Variants in AGMO observed in about 807,000 individuals in gnomAD.
AGMO encodes the protein alkylglycerol monooxygenase.
A neutral mutation model predicts 60.2 loss-of-function variants in AGMO; 75 were observed. The ratio of observed to expected loss-of-function variants is 1.25; its 90% CI spans 1.03 to 1.51. AGMO has a LOEUF of 1.51. AGMO is among the 40% of genes most tolerant of loss of function. The probability of loss-of-function intolerance (pLI) is 0.00; values close to 1 mark genes in which losing one functional copy is unlikely to be tolerated. For synonymous variants in AGMO, 261 were observed against 177.1 expected, an observed-to-expected ratio of 1.47 and a Z score of -3.76; for missense variants, 763 against 525.5, an observed-to-expected ratio of 1.45 and a Z score of -4.42.
intron 5 of AGMO, among the ~76,000 whole-genome samples, chr7:15,411,015 G>A (rs1780578106): frequency 6.6e-6 from 1 of 151,924 alleles, no homozygotes; most frequent in Non-Finnish European, 1.5e-5. Context: ...TTTAAGATGT[G>A]ATTAGGTCAT....
chr7:15,555,292 T>TATATACACAC (rs1213509604), intron 2 of AGMO, among the ~76,000 whole-genome samples: 2 of 95,878 alleles, frequency 2.1e-5, no homozygotes, highest in Non-Finnish European at 4.0e-5. Flanking sequence ...TATATATATA[T>TATATACACAC]ACACACACAC....
chr7:15,269,807 T>G (rs1230597789), intron 12 of AGMO, among the ~76,000 whole-genome samples: 21 of 152,118 alleles, frequency 1.4e-4, no homozygotes, highest in South Asian at 4.1e-4. Context: ...TTTCCATCTT[T>G]ATATTCATGT....
chr7:15,319,557 TG>T (rs1220842273), intron 12 of AGMO, among the ~76,000 whole-genome samples: 3 of 152,166 alleles, frequency 2.0e-5, no homozygotes, highest in Non-Finnish European at 4.4e-5. Context: ...TAAAGTTACC[TG>T]AATTGCTAGA....
intron 12 of AGMO, among the ~76,000 whole-genome samples, chr7:15,301,868 G>A (rs780347274): frequency 2.0e-5 from 3 of 151,932 alleles, no homozygotes; most frequent in Non-Finnish European, 2.9e-5. Context: ...GGCTCAAGAA[G>A]GGCTCAAGAA....
intron 12 of AGMO, among the ~76,000 whole-genome samples, chr7:15,335,098 T>C (rs1226558631): frequency 1.3e-5 from 2 of 152,168 alleles, no homozygotes; most frequent in African/African-American, 2.4e-5. Context: ...TAATTGCTTA[T>C]AGTAACACAA....
intron 10 of AGMO, among the ~76,000 whole-genome samples, chr7:15,376,835 G>A (rs1317658111): frequency 6.6e-6 from 1 of 151,984 alleles, no homozygotes; most frequent in Non-Finnish European, 1.5e-5. Flanking sequence ...AAGTCCGTGG[G>A]TCATATCACT....
rs143999373 is a variant in AGMO at position 15,233,031 on chromosome 7, T to C, written c.1264-31672A>G. Among the ~76,000 whole-genome samples, 8 of 152,280 alleles carry C rather than the reference T, an allele frequency of 5.3e-5. No individual in the cohort carries two copies. The East Asian group carries it at 1.4e-3, about 26-fold the overall frequency. ...ATTGCATAGATGGAATTTTATGCCA[T>C]GCATCCCATTATAAAATCATACTAT... On this transcript the variant is annotated intron_variant, in intron 12 of 12. Transcript: ENST00000342526.
chr7:15,148,397 G>A, the AGMO span, among the ~76,000 whole-genome samples: 6 of 151,794 alleles, frequency 4.0e-5, no homozygotes, highest in African/African-American at 9.7e-5. Flanking sequence ...ATTGCATGTC[G>A]CTGGGGTTTG....
intron 12 of AGMO, among the ~76,000 whole-genome samples, chr7:15,305,739 TCTA>T (rs1780596140): frequency 6.6e-6 from 1 of 151,968 alleles, no homozygotes; most frequent in East Asian, 1.9e-4. Context: ...CAACTCGGTT[TCTA>T]CTGTGTCATT....
intron 3 of AGMO, among the ~76,000 whole-genome samples, chr7:15,532,014 G>A (rs1347168629): frequency 6.6e-6 from 1 of 152,022 alleles, no homozygotes; most frequent in African/African-American, 2.4e-5. Flanking sequence ...TGCAGCTACT[G>A]CACAAGTCAA....
intron 12 of AGMO, among the ~76,000 whole-genome samples, chr7:15,348,676 A>G (rs926121067): frequency 4.6e-5 from 7 of 152,210 alleles, no homozygotes; most frequent in African/African-American, 1.7e-4. Context: ...CTAGAAATAA[A>G]TATGAGTATA....
chr7:15,196,580 C>G (rs1190245841), downstream of AGMO, among the ~76,000 whole-genome samples: 1 of 152,180 alleles, frequency 6.6e-6, no homozygotes, highest in Non-Finnish European at 1.5e-5. Context: ...GCTTCTGCAG[C>G]TTATCATTGC....
At chr7:15,404,360 T>C (rs1417853453) in intron 5 of AGMO, among the ~76,000 whole-genome samples, 2 of 151,940 alleles carry the variant, frequency 1.3e-5, no homozygotes, top group African/African-American at 4.8e-5. Context: ...TTGAATTTGT[T>C]TCAGCATATC....
At chr7:15,417,495 A>G (rs1780805908) in intron 5 of AGMO, among the ~76,000 whole-genome samples, 1 of 152,142 alleles carries the variant, frequency 6.6e-6, no homozygotes, top group Admixed American at 6.5e-5. Flanking sequence ...CATGTAAATC[A>G]TCAGAAAGCT....
rs192358894 is a variant in AGMO at position 15,397,107 on chromosome 7, T to A, written c.610-2928A>T. Among the ~76,000 whole-genome samples the A allele has an allele frequency of 2.9e-3, 446 of 152,204 alleles. 11 individuals carry two copies. The highest frequency in any genetic ancestry group is 0.028 in the Admixed American group (429 of 15,296). On this transcript the variant is annotated intron_variant, in intron 5 of 12. Coordinates refer to ENST00000342526, the MANE Select transcript of AGMO (RefSeq NM_001004320.2). Reference sequence around the variant, plus strand: ...GTCACTGGCACCCGCCAGGAAACTTTGCGGTACCTATCCTGGGCACTCCCG... The same window carrying A: ...GTCACTGGCACCCGCCAGGAAACTTAGCGGTACCTATCCTGGGCACTCCCG...
intron 12 of AGMO, among the ~76,000 whole-genome samples, chr7:15,330,687 A>G (rs935088976): frequency 1.3e-5 from 2 of 152,114 alleles, no homozygotes; most frequent in Non-Finnish European, 2.9e-5. Context: ...ATCTGCCTAT[A>G]GAGACAATAT....
At chr7:15,224,850 C>T (rs916119522) in intron 12 of AGMO, among the ~76,000 whole-genome samples, 1 of 151,914 alleles carries the variant, frequency 6.6e-6, no homozygotes, top group Non-Finnish European at 1.5e-5. Context: ...ATTATATTTA[C>T]AAATTTTAAA....
intron 12 of AGMO, among the ~76,000 whole-genome samples, chr7:15,301,996 T>C (rs1780452476): frequency 6.6e-6 from 1 of 152,174 alleles, no homozygotes; most frequent in South Asian, 2.1e-4. Flanking sequence ...TCCTCAACTT[T>C]TTCTTAATGT....
intron 10 of AGMO, among the ~76,000 whole-genome samples, 192 bp from the exon 11 acceptor site, chr7:15,366,414 T>C (rs1428527524): frequency 2.0e-5 from 3 of 152,130 alleles, no homozygotes. Context: ...TGTTGGACAC[T>C]TGGAGAATTA....
Sources: allele counts gnomAD v4.1 joint callset (sites outside exome capture counted in the v4.1 genomes callset), GRCh38; gene constraint gnomAD v4.1.1; transcripts MANE v1.5; gene names NCBI Gene and HGNC (gene_info 2026-07-23, HGNC 2026-07-21).